The following ZNF813 variants were observed in gnomAD, a reference collection of about 807,000 sequenced individuals.
The protein encoded by ZNF813 is zinc finger protein 813.
A neutral mutation model predicts 7.2 loss-of-function variants in ZNF813; 3 were observed. That is an observed-to-expected ratio of 0.42 (90% CI 0.19 to 1.08). ZNF813 has a LOEUF of 1.08. Ranked by LOEUF, ZNF813 falls within the 50% of genes least tolerant of loss-of-function variation. The pLI is 0.30. For synonymous variants in ZNF813, 227 were observed against 256.3 expected, an observed-to-expected ratio of 0.89 and a Z score of 1.09; for missense variants, 714 against 753.3, an observed-to-expected ratio of 0.95 and a Z score of 0.61.
rs2086457489 is a variant in ZNF813 at position 53,490,952 on chromosome 19, G to A, written c.720G>A (p.Glu240=). ...LRKHQIIHLG[E]KQYKCDVCGK... is the part of the protein sequence containing the mutation. The stretch of plus-strand genomic sequence containing the variant: ...AACATCAAATAATCCATTTAGGAGA[G>A]AAACAATATAAATGTGATGTATGTG... Residue 240 remains glutamate (E), a synonymous_variant, in exon 4 of 4, where the codon GAG becomes GAA. Transcript: ENST00000396403. 3.1e-6 allele frequency: 5 copies of A among 1,614,036 alleles called. No individual in the cohort carries two copies. The highest frequency in any genetic ancestry group is 1.3e-5 in the African/African-American group (1 of 74,934).
chr19:53,468,780 T>G (rs948223571), intron 1 of ZNF813, among the ~76,000 whole-genome samples: 1 of 151,828 alleles, frequency 6.6e-6, no homozygotes, highest in Non-Finnish European at 1.5e-5. Flanking sequence ...ATAGAACGAA[T>G]GGAAATGGTC....
chr19:53,485,569 TAC>T (rs2086428365), intron 2 of ZNF813, among the ~76,000 whole-genome samples: 1 of 108,232 alleles, frequency 9.2e-6, no homozygotes, highest in African/African-American at 3.2e-5. Flanking sequence ...ATGACATATA[TAC>T]ATGTATGTCA....
At chr19:53,476,029 A>G (rs1400027907) in intron 1 of ZNF813, among the ~76,000 whole-genome samples, 1 of 152,014 alleles carries the variant, frequency 6.6e-6, no homozygotes, top group Non-Finnish European at 1.5e-5. Context: ...AAAAATTCCT[A>G]TTTGACGTTG....
intron 1 of ZNF813, among the ~76,000 whole-genome samples, chr19:53,472,628 T>TTTTTTTTTTTTA: frequency 6.7e-6 from 1 of 150,208 alleles, no homozygotes. Flanking sequence ...TTTTTTTTTT[T>TTTTTTTTTTTTA]TGAGATGGAG....
intron 1 of ZNF813, among the ~76,000 whole-genome samples, chr19:53,482,876 C>T (rs532244503): frequency 2.0e-5 from 3 of 151,520 alleles, no homozygotes; most frequent in African/African-American, 7.3e-5. Context: ...AGGTGTGTGC[C>T]ACCACACCCA....
Position 53,490,598 on chromosome 19 carries a change from T to A in ZNF813, c.366T>A (p.Ser122Arg). 6.2e-7 allele frequency: 1 copy of A among 1,614,226 alleles called. No homozygotes were observed. Among genetic ancestry groups the A allele is most frequent in the East Asian group, 2.2e-5 (1 of 44,880 alleles). ...PMTEIKKLTG[S>R]ADRYDQRHAG... Reference sequence around the variant, plus strand: ...CAGAAATCAAAAAGTTGACTGGTAGTGCAGACCGATATGATCAAAGGCATG... The same window carrying A: ...CAGAAATCAAAAAGTTGACTGGTAGAGCAGACCGATATGATCAAAGGCATG... Residue 122 changes from serine (S) to arginine (R), a missense_variant, in exon 4 of 4, where the codon AGT becomes AGA. Coordinates refer to ENST00000396403, the MANE Select transcript of ZNF813 (RefSeq NM_001004301.4).
At chr19:53,471,943 C>T (rs12459819) in intron 1 of ZNF813, among the ~76,000 whole-genome samples, 75 of 151,820 alleles carry the variant, frequency 4.9e-4, no homozygotes, top group African/African-American at 1.8e-3. Context: ...ACAAACATAA[C>T]ATGAGAAAAT....
chr19:53,488,242 C>CA (rs2086443210), intron 3 of ZNF813: 1 of 455,500 alleles, frequency 2.2e-6, no homozygotes, highest in South Asian at 1.6e-5. Context: ...TGGCCGATCT[C>CA]AAACTCCTGC....
In ZNF813 at chr19:53,491,250, T is replaced by C. The variant is rs1379372980; in HGVS notation, c.1018T>C (p.Ser340Pro). ...ATGTGGCAAGACCTTTAGTCAGACG[T>C]CATCCCTTACATGCCATCGTAGACT... ...NECGKTFSQT[S>P]SLTCHRRLHT... The change falls in exon 4 of 4, where the codon TCA becomes CCA. Residue 340 changes from serine to proline, a missense_variant. Around this residue, in one of 3 missense-constraint regions of ZNF813, gnomAD observed 563 missense variants for 554.2 expected, o/e 1.02. Transcript: ENST00000396403. 1 of 1,613,926 alleles carries C rather than the reference T, an allele frequency of 6.2e-7. No individual in the cohort carries two copies.
At chr19:53,480,338 A>G (rs1486897060) in intron 1 of ZNF813, among the ~76,000 whole-genome samples, 1 of 125,958 alleles carries the variant, frequency 7.9e-6, no homozygotes, top group East Asian at 2.1e-4. Flanking sequence ...AGCCCAATGC[A>G]TGTCTTTAAA....
chr19:53,486,017 G>C (rs1027391234), intron 2 of ZNF813, among the ~76,000 whole-genome samples: 1 of 152,126 alleles, frequency 6.6e-6, no homozygotes, highest in African/African-American at 2.4e-5. Context: ...TGCTGCATCA[G>C]CCTCCCGGGT....
chr19:53,479,932 C>G (rs372550346), intron 1 of ZNF813: 1 of 633,674 alleles, frequency 1.6e-6, no homozygotes, highest in Non-Finnish European at 2.7e-6. Flanking sequence ...CTGATAATCT[C>G]GAGGAGGCAG....
rs2086461287 is a variant in ZNF813, at chr19:53,491,414, G to A, written c.1182G>A (p.Gln394=). 6.2e-7 allele frequency: 1 copy of A among 1,613,672 alleles called. No homozygotes were observed. The highest frequency in any genetic ancestry group is 8.5e-7 in the Non-Finnish European group (1 of 1,179,912). The part of the protein sequence containing the change: ...KCNECGKTFS[Q]ELTLKCHRRL... The stretch of plus-strand genomic sequence containing the variant: ...ATGAATGTGGCAAGACCTTCAGTCA[G>A]GAGTTAACCCTTAAATGCCATCGTA... The change falls in exon 4 of 4, where the codon CAG becomes CAA. Residue 394 remains glutamine (Q), a synonymous_variant. Coordinates refer to ENST00000396403, the MANE Select transcript of ZNF813 (RefSeq NM_001004301.4).
At chr19:53,484,481 G>A (rs2086423562) in intron 2 of ZNF813, among the ~76,000 whole-genome samples, 1 of 152,116 alleles carries the variant, frequency 6.6e-6, no homozygotes. Flanking sequence ...GGAGACTGTG[G>A]GGTTACTGTG....
intron 1 of ZNF813, among the ~76,000 whole-genome samples, chr19:53,474,862 A>C (rs547267927): frequency 6.6e-4 from 100 of 152,248 alleles, no homozygotes; most frequent in Middle Eastern, 3.4e-3. Context: ...TTCTTGGGCA[A>C]ACCAGGATCT....
At chr19:53,488,604 G>A (rs1382760084) in intron 3 of ZNF813, among the ~76,000 whole-genome samples, 4 of 147,476 alleles carry the variant, frequency 2.7e-5, no homozygotes, top group Admixed American at 2.0e-4. Context: ...TTTTTGTAGA[G>A]GTGGAGGCAG....
chr19:53,483,950 C>T (rs1326702980), intron 2 of ZNF813, 113 bp downstream of exon 2: 1 of 1,586,854 alleles, frequency 6.3e-7, no homozygotes, highest in African/African-American at 1.3e-5. Flanking sequence ...GGTTTGCTCA[C>T]ATTCACCCAT....
Position 53,486,753 on chromosome 19 carries a change from C to A in ZNF813, c.137C>A (p.Ser46Tyr). ...CTGGAGAATTATAGGAACCTGGTCT[C>A]CCTGGGTGAGGATAACTTCCCTCCA... ...VMLENYRNLV[S>Y]LDISSKCMMK... The change falls in exon 3 of 4, where the codon TCC becomes TAC. Residue 46 changes from serine (S) to tyrosine (Y), a missense_variant. Physicochemically the swap from Ser to Tyr is moderately radical, Grantham distance 144. This residue lies in a region of ZNF813 where 563 missense variants were observed against 554.2 expected (regional missense o/e 1.02). Transcript: ENST00000396403. The A allele has an allele frequency of 6.2e-7, 1 of 1,613,792 alleles. No individual in the cohort carries two copies. The highest frequency in any genetic ancestry group is 8.5e-7 in the Non-Finnish European group (1 of 1,179,882).
rs59632456 is a variant in ZNF813 at position 53,492,361 on chromosome 19, G to A, written c.*275G>A. The A allele has an allele frequency of 6.1e-3, 3,438 of 566,894 alleles. 107 individuals are homozygous for A. Among genetic ancestry groups the A allele is most frequent in the African/African-American group, 0.059 (3,114 of 53,174 alleles). The allele number at this position is 566,894 out of a possible 1,614,324, so 35.1% of individuals were successfully genotyped here. Reference sequence around the variant, plus strand: ...CTCAAAAGACAGGAGAATTCATACTGGAGAGAAAGCTTACAAAGGTGAAGA... The same window carrying A: ...CTCAAAAGACAGGAGAATTCATACTAGAGAGAAAGCTTACAAAGGTGAAGA... On this transcript the variant is annotated 3_prime_UTR_variant, in exon 4 of 4. Transcript: ENST00000396403.
Sources: allele counts gnomAD v4.1 joint callset (sites outside exome capture counted in the v4.1 genomes callset), GRCh38; gene constraint gnomAD v4.1.1; regional missense constraint gnomAD v4.1.1; transcripts MANE v1.5; gene names NCBI Gene and HGNC (gene_info 2026-07-23, HGNC 2026-07-21).